Variants in XKR6 observed in about 807,000 individuals in gnomAD.
XKR6 encodes XK-related protein 6.
In XKR6, 22 loss-of-function variants were observed where a neutral mutation model predicts 56.7. The observed-to-expected ratio is 0.39, with a 90% confidence interval of 0.28 to 0.55. XKR6 has a LOEUF of 0.55. Among genes scored for constraint, XKR6 ranks in the 20% least tolerant of loss-of-function variants. XKR6 has a pLI of 0.66. For missense variants in XKR6, 852 were observed against 889.0 expected, an observed-to-expected ratio of 0.96 and a Z score of 0.53; for synonymous variants, 524 against 387.8, an observed-to-expected ratio of 1.35 and a Z score of -4.13.
At chr8:10,992,078 A>G (rs1335062597) in intron 1 of XKR6, among the ~76,000 whole-genome samples, 1 of 152,202 alleles carries the variant, frequency 6.6e-6, no homozygotes, top group African/African-American at 2.4e-5. Flanking sequence ...CCAGGCCTCC[A>G]CAGTCTAAAT....
At chr8:11,173,845 A>G (rs1802510163) in intron 1 of XKR6, among the ~76,000 whole-genome samples, 1 of 152,206 alleles carries the variant, frequency 6.6e-6, no homozygotes, top group African/African-American at 2.4e-5. Flanking sequence ...AGTCACTACT[A>G]GAATAAAGAA....
chr8:11,006,947 G>C lies in XKR6; in HGVS notation c.765-82117C>G, dbSNP rs143391500. Among the ~76,000 whole-genome samples, 462 of 152,308 alleles carry C rather than the reference G, an allele frequency of 3.0e-3. 1 individual carries two copies. Among genetic ancestry groups the C allele is most frequent in the African/African-American group, 0.011 (446 of 41,562 alleles). On this transcript the variant is annotated intron_variant, in intron 1 of 2. Transcript: ENST00000416569. Reference sequence around the variant, plus strand: ...GAATATGATTGGTCCAAGTCAAGCAGTTCATCCTGTTTCCCTTTACTAATG... The same window carrying C: ...GAATATGATTGGTCCAAGTCAAGCACTTCATCCTGTTTCCCTTTACTAATG...
intron 1 of XKR6, among the ~76,000 whole-genome samples, chr8:11,112,760 A>T (rs1453088037): frequency 1.3e-5 from 2 of 152,230 alleles, no homozygotes; most frequent in African/African-American, 4.8e-5. Context: ...CTGCTCTCCC[A>T]GTCAACCTAA....
At chr8:11,179,683 C>T (rs1449221422) in intron 1 of XKR6, among the ~76,000 whole-genome samples, 1 of 152,168 alleles carries the variant, frequency 6.6e-6, no homozygotes, top group East Asian at 1.9e-4. Flanking sequence ...CCCAATTGCT[C>T]GGTGTCAACA....
Position 11,191,328 on chromosome 8 carries a change from A to C in XKR6, c.764+9248T>G, listed in dbSNP as rs557543641. 1.7e-4 allele frequency among the ~76,000 whole-genome samples: 26 copies of C among 152,240 alleles called. 1 individual carries two copies. Among genetic ancestry groups the C allele is most frequent in the Non-Finnish European group, 2.8e-4 (19 of 68,044 alleles). The stretch of plus-strand genomic sequence containing the variant: ...CAAAAGACACTAAAACCATAAGGTA[A>C]ACGGTATTTAGGAAAAGAGACACTG... On this transcript the variant is annotated intron_variant, in intron 1 of 2. Coordinates refer to ENST00000416569, the MANE Select transcript of XKR6 (RefSeq NM_173683.4).
intron 1 of XKR6, among the ~76,000 whole-genome samples, chr8:11,047,412 C>T (rs865992572): frequency 2.6e-5 from 4 of 152,180 alleles, no homozygotes; most frequent in Admixed American, 6.5e-5. Context: ...ATGGGCTTCA[C>T]GAGTAGGATG....
chr8:11,065,580 G>GT lies in XKR6; in HGVS notation c.764+134995dup, dbSNP rs200201382. Among the ~76,000 whole-genome samples, 1,104 of 146,960 alleles carry GT rather than the reference G, an allele frequency of 7.5e-3. 26 individuals carry two copies. The South Asian group carries it at 0.082, about 11-fold the overall frequency. On this transcript the variant is annotated intron_variant, in intron 1 of 2. Coordinates refer to ENST00000416569, the MANE Select transcript of XKR6 (RefSeq NM_173683.4). The stretch of plus-strand genomic sequence containing the variant: ...CTCTATTTGCATTTTTACTTAATAC[G>GT]TTTTTTTTTTTATCCTGGGAAATCC...
intron 2 of XKR6, among the ~76,000 whole-genome samples, chr8:10,899,185 G>C (rs572942447): frequency 1.3e-5 from 2 of 152,336 alleles, no homozygotes; most frequent in South Asian, 4.2e-4. Context: ...TTTTGCTAGG[G>C]GGCTGAGAGG....
chr8:10,915,061 G>A (rs527308194), intron 2 of XKR6, among the ~76,000 whole-genome samples: 1 of 152,284 alleles, frequency 6.6e-6, no homozygotes, highest in South Asian at 2.1e-4. Flanking sequence ...ATAGCTATTC[G>A]CTGCACATGG....
chr8:11,082,827 C>T (rs913194504), intron 1 of XKR6, among the ~76,000 whole-genome samples: 6 of 152,230 alleles, frequency 3.9e-5, no homozygotes, highest in Non-Finnish European at 5.9e-5. Flanking sequence ...AAAGCTCTGA[C>T]GTCTCATGGT....
intron 1 of XKR6, among the ~76,000 whole-genome samples, chr8:11,178,389 A>G (rs1802769751): frequency 6.6e-6 from 1 of 151,842 alleles, no homozygotes; most frequent in Admixed American, 6.6e-5. Flanking sequence ...TTCGGTCATC[A>G]AGCGGCTATG....
chr8:10,928,687 T>G (rs1031231942), intron 1 of XKR6, among the ~76,000 whole-genome samples: 3 of 144,862 alleles, frequency 2.1e-5, no homozygotes, highest in Non-Finnish European at 4.4e-5. Context: ...CGCCCTCTTC[T>G]GCCAGGGCGC....
chr8:10,935,571 A>G (rs1299393612), intron 1 of XKR6, among the ~76,000 whole-genome samples: 1 of 149,586 alleles, frequency 6.7e-6, no homozygotes, highest in African/African-American at 2.5e-5. Flanking sequence ...ACTGCTTTGA[A>G]TGCATCCCAG....
At position 11,138,765 on chromosome 8, in the gene XKR6, G is replaced by C. The variant is rs200535616; in HGVS notation, c.764+61811C>G. 2.0e-4 allele frequency among the ~76,000 whole-genome samples: 30 copies of C among 152,270 alleles called. 1 individual carries two copies. In the East Asian group the frequency reaches 2.1e-3, roughly 11 times the overall value. ...TATGATTCCTACAGCCAGAAGGACAGTTAAATTCCCAGTCCTCTGAATTTT... is the reference window on the plus strand; with the variant it reads ...TATGATTCCTACAGCCAGAAGGACACTTAAATTCCCAGTCCTCTGAATTTT... On this transcript the variant is annotated intron_variant, in intron 1 of 2. Transcript: ENST00000416569.
intron 1 of XKR6, among the ~76,000 whole-genome samples, chr8:11,036,230 G>A (rs1293393117): frequency 2.6e-5 from 4 of 152,140 alleles, no homozygotes; most frequent in Non-Finnish European, 5.9e-5. Context: ...TCACAGGCAT[G>A]AGCCATCACA....
At chr8:10,967,436 C>T (rs1802258654) in intron 1 of XKR6, among the ~76,000 whole-genome samples, 1 of 152,188 alleles carries the variant, frequency 6.6e-6, no homozygotes, top group South Asian at 2.1e-4. Flanking sequence ...GGGGCTATGC[C>T]AGGAGGTGGG....
chr8:11,141,712 G>T (rs1411731803), intron 1 of XKR6, among the ~76,000 whole-genome samples: 1 of 152,100 alleles, frequency 6.6e-6, no homozygotes, highest in Admixed American at 6.5e-5. Flanking sequence ...TGGAACAGCA[G>T]CTCCTGATGG....
intron 1 of XKR6, among the ~76,000 whole-genome samples, chr8:10,938,420 C>T (rs1219524402): frequency 6.6e-6 from 1 of 152,170 alleles, no homozygotes; most frequent in Admixed American, 6.5e-5. Flanking sequence ...CATCTTGGCT[C>T]CTCCCCCCAG....
intron 1 of XKR6, chr8:11,108,241 C>A (rs1396292512): frequency 2.2e-6 from 1 of 453,762 alleles, no homozygotes; most frequent in African/African-American, 2.0e-5. Context: ...ATTGTAAAAT[C>A]TGTAAGGAAT....
Sources: allele counts gnomAD v4.1 joint callset (sites outside exome capture counted in the v4.1 genomes callset), GRCh38; gene constraint gnomAD v4.1.1; transcripts MANE v1.5; gene names NCBI Gene and HGNC (gene_info 2026-07-23, HGNC 2026-07-21).